Variants in MEI1 observed in about 807,000 individuals in gnomAD.
The protein encoded by MEI1 is meiotic double-stranded break formation protein 1, also known as meiosis inhibitor protein 1.
Under a neutral mutation model 146.2 loss-of-function variants are expected in MEI1, and 103 were observed. The ratio of observed to expected loss-of-function variants is 0.70; its 90% CI spans 0.60 to 0.83. MEI1 has a LOEUF of 0.83. MEI1 is among the 40% of genes least tolerant of loss of function. MEI1 has a pLI of 0.00. For synonymous variants in MEI1, 652 were observed against 628.2 expected, an observed-to-expected ratio of 1.04 and a Z score of -0.57; for missense variants, 1,529 against 1,533.0, an observed-to-expected ratio of 1.00 and a Z score of 0.04.
At chr22:41,743,229 A>C in intron 12 of MEI1, 35 bp downstream of exon 12, 5 of 1,468,840 alleles carry the variant, frequency 3.4e-6, no homozygotes, top group South Asian at 1.1e-5. Flanking sequence ...TCCGAAGATC[A>C]TGCTGCAGTG....
intron 6 of MEI1, among the ~76,000 whole-genome samples, chr22:41,721,154 C>T (rs2070748524): frequency 6.6e-6 from 1 of 150,390 alleles, no homozygotes; most frequent in Admixed American, 6.6e-5. Flanking sequence ...ACTTCATGAT[C>T]CGCCCATCTC....
intron 24 of MEI1, 79 bp downstream of exon 24, chr22:41,781,924 G>C (rs1470070610): frequency 2.0e-6 from 3 of 1,508,428 alleles, no homozygotes; most frequent in Non-Finnish European, 2.7e-6. Flanking sequence ...TCTGGTCCCA[G>C]CTCTGGGGGC....
chr22:41,738,533 G>A (rs1224689837), intron 11 of MEI1, among the ~76,000 whole-genome samples: 1 of 152,104 alleles, frequency 6.6e-6, no homozygotes, highest in Non-Finnish European at 1.5e-5. Context: ...GTTGCAGTGA[G>A]CCGAGATCAT....
At chr22:41,796,329 A>G (rs1203077597) in intron 30 of MEI1, among the ~76,000 whole-genome samples, 1 of 149,364 alleles carries the variant, frequency 6.7e-6, no homozygotes, top group Admixed American at 6.7e-5. Context: ...CTGGGACTAC[A>G]GGTGCCTGCC....
At chr22:41,759,632 AAAATAAATAAAT>A (rs202130156) in intron 18 of MEI1, among the ~76,000 whole-genome samples, 1 of 135,644 alleles carries the variant, frequency 7.4e-6, no homozygotes, top group Non-Finnish European at 1.5e-5. Context: ...TCCGTCTCAA[AAAATAAATAAAT>A]AAATAAATAA....
chr22:41,758,842 A>G (rs1290015343), intron 18 of MEI1, among the ~76,000 whole-genome samples: 1 of 152,164 alleles, frequency 6.6e-6, no homozygotes, highest in African/African-American at 2.4e-5. Flanking sequence ...TGTTCAATTT[A>G]TTACATTTTT....
chr22:41,730,311 C>T (rs2071742634), intron 8 of MEI1, among the ~76,000 whole-genome samples: 1 of 152,178 alleles, frequency 6.6e-6, no homozygotes. Flanking sequence ...GACTCAGTTT[C>T]CCCACCTGTT....
At chr22:41,798,870 A>G (rs1463640619) in intron 30 of MEI1, among the ~76,000 whole-genome samples, 33 of 140,882 alleles carry the variant, frequency 2.3e-4, no homozygotes, top group Non-Finnish European at 2.9e-4. Flanking sequence ...GAGTGAGACT[A>G]TGTCTCAAAA....
intron 28 of MEI1, among the ~76,000 whole-genome samples, chr22:41,794,801 A>C (rs2076305629): frequency 6.6e-6 from 1 of 152,224 alleles, no homozygotes; most frequent in African/African-American, 2.4e-5. Context: ...TCTAAAGAGG[A>C]CGACAGACAA....
rs761508633 is a variant in MEI1 at position 41,795,389 on chromosome 22, G to A, written c.3535-22G>A. The A allele has an allele frequency of 1.2e-6, 2 of 1,612,546 alleles. No homozygotes were observed. The highest frequency in any genetic ancestry group is 1.7e-6 in the Non-Finnish European group (2 of 1,179,152). ...GAGATGCCAAATCACTGGGTGTTTG[G>A]GGGTTTCTCTTCCTGGGCCAGTTTA... On this transcript the variant is annotated intron_variant, in intron 28 of 30. Transcript: ENST00000401548. The surrounding 1 kb of genome is among the most constrained non-coding windows in gnomAD (Gnocchi z 4.2).
In MEI1 at chr22:41,750,554, G is replaced by A. The variant is rs926864834; in HGVS notation, c.1793-2037G>A. On this transcript the variant is annotated intron_variant, in intron 15 of 30. Coordinates refer to ENST00000401548, the MANE Select transcript of MEI1 (RefSeq NM_152513.4). ...ACACAACTATTTTAACAAGTTTGGT[G>A]TGTGGGGAAGGTGAGAAATGGGGGT... is the stretch of plus-strand genomic sequence containing the variant. Among the ~76,000 whole-genome samples the A allele has an allele frequency of 2.6e-5, 4 of 152,144 alleles. No individual in the cohort carries two copies. In the East Asian group the frequency reaches 7.7e-4, roughly 29 times the overall value.
intron 1 of MEI1, 111 bp downstream of exon 1, chr22:41,699,823 C>A: frequency 7.6e-7 from 1 of 1,322,962 alleles, no homozygotes; most frequent in Non-Finnish European, 1.0e-6. Flanking sequence ...AAACCGGGCC[C>A]CCGCGCTGTG....
At chr22:41,794,340 G>C (rs371579010) in intron 27 of MEI1, 31 bp from the exon 28 acceptor site, 2 of 1,580,440 alleles carry the variant, frequency 1.3e-6, no homozygotes, top group Non-Finnish European at 1.7e-6. Flanking sequence ...GCAAGGTCTT[G>C]GAAGCATTAA....
chr22:41,780,747 A>AT (rs758260644), intron 22 of MEI1, among the ~76,000 whole-genome samples: 1 of 151,724 alleles, frequency 6.6e-6, no homozygotes, highest in South Asian at 2.1e-4. Flanking sequence ...TGCCCAGCTA[A>AT]TTTTTTGTAT....
intron 3 of MEI1, among the ~76,000 whole-genome samples, chr22:41,708,670 C>T (rs779984393): frequency 6.6e-6 from 1 of 152,120 alleles, no homozygotes; most frequent in Non-Finnish European, 1.5e-5. Context: ...TTAAACAAGC[C>T]GACCCTGACT....
chr22:41,711,821 G>A (rs2069593709), intron 3 of MEI1, among the ~76,000 whole-genome samples: 1 of 152,008 alleles, frequency 6.6e-6, no homozygotes, highest in Admixed American at 6.6e-5. Flanking sequence ...AGATAATGTT[G>A]TAATAATTGG....
At chr22:41,773,478 A>G (rs1248370001) in intron 20 of MEI1, among the ~76,000 whole-genome samples, 2 of 151,672 alleles carry the variant, frequency 1.3e-5, no homozygotes, top group Admixed American at 6.6e-5. Flanking sequence ...CCAAGGTCAT[A>G]TAGTTAATAA....
intron 26 of MEI1, among the ~76,000 whole-genome samples, chr22:41,785,187 C>T (rs9623454): frequency 0.065 from 9,829 of 151,612 alleles, 869 homozygotes; most frequent in African/African-American, 0.2. Context: ...CGCCTGCCTC[C>T]GCCTCCCAAA....
At chr22:41,768,517 A>G (rs1258342417) in intron 19 of MEI1, among the ~76,000 whole-genome samples, 1 of 152,224 alleles carries the variant, frequency 6.6e-6, no homozygotes, top group Non-Finnish European at 1.5e-5. Flanking sequence ...GCATTCTTAT[A>G]AAGAACTACC....
Sources: allele counts gnomAD v4.1 joint callset (sites outside exome capture counted in the v4.1 genomes callset), GRCh38; gene constraint gnomAD v4.1.1; non-coding constraint Gnocchi (gnomAD v3.1); transcripts MANE v1.5; gene names NCBI Gene and HGNC (gene_info 2026-07-23, HGNC 2026-07-21).